Variants in PTPN20 observed in about 807,000 individuals in gnomAD.
The protein encoded by PTPN20 is protein tyrosine phosphatase non-receptor type 20, also known as tyrosine-protein phosphatase non-receptor type 20.
In PTPN20, 9 loss-of-function variants were observed where a neutral mutation model predicts 35.0. That is an observed-to-expected ratio of 0.26 (90% CI 0.15 to 0.45). The LOEUF (loss-of-function observed/expected upper bound fraction) is 0.45, where lower values mean the gene tolerates loss of function less well. PTPN20 is among the 20% of genes least tolerant of loss of function. PTPN20 has a pLI of 1.00. For synonymous variants in PTPN20, 32 were observed against 100.2 expected (o/e 0.32, Z 4.06); for missense variants, 111 against 312.5 (o/e 0.36, Z 4.86).
At chr10:46,953,343 C>CTTTCTT (rs1555148609) in intron 5 of PTPN20, among the ~76,000 whole-genome samples, 1 of 92,460 alleles carries the variant, frequency 1.1e-5, no homozygotes, top group East Asian at 2.8e-4. Flanking sequence ...TCTTTTCTTT[C>CTTTCTT]TTTCTTTCTT....
chr10:46,911,776 G>A, intron 1 of PTPN20: 2 of 98,702 alleles, frequency 2.0e-5, no homozygotes, highest in South Asian at 1.4e-4. Flanking sequence ...ACCGGGACAG[G>A]AACCCTGTGG....
chr10:46,982,458 C>T (rs2055705019), intron 7 of PTPN20, among the ~76,000 whole-genome samples: 5 of 152,038 alleles, frequency 3.3e-5, no homozygotes, highest in African/African-American at 1.2e-4. Context: ...TTTACATTCC[C>T]CTTGTATGCG....
intron 9 of PTPN20, among the ~76,000 whole-genome samples, chr10:46,995,455 T>C (rs1039582125): frequency 6.7e-6 from 1 of 148,720 alleles, no homozygotes; most frequent in Non-Finnish European, 1.5e-5. Flanking sequence ...CTCATTCCAA[T>C]TAGGGAAAGT....
At chr10:46,972,537 C>G (rs2052526324) in intron 7 of PTPN20, among the ~76,000 whole-genome samples, 2 of 86,570 alleles carry the variant, frequency 2.3e-5, no homozygotes, top group East Asian at 5.8e-4. Context: ...ATGTTCATAT[C>G]AGATTTACTT....
At chr10:46,959,142 C>G (rs2049161060) in intron 5 of PTPN20, among the ~76,000 whole-genome samples, 1 of 133,888 alleles carries the variant, frequency 7.5e-6, no homozygotes, top group African/African-American at 2.8e-5. Flanking sequence ...AACTGTTTCT[C>G]TCTTCATTTC....
intron 9 of PTPN20, among the ~76,000 whole-genome samples, chr10:46,993,144 A>G (rs2137443666): frequency 1.3e-5 from 2 of 152,344 alleles, no homozygotes; most frequent in South Asian, 4.1e-4. Flanking sequence ...ACTCTCAGTC[A>G]CATGGCTCTT....
chr10:46,996,869 T>G (rs1179150745), intron 9 of PTPN20, among the ~76,000 whole-genome samples: 2 of 152,180 alleles, frequency 1.3e-5, no homozygotes, highest in African/African-American at 4.8e-5. Flanking sequence ...ACCCTTTGGA[T>G]TATTGTAGTG....
chr10:46,936,453 T>C (rs2041690094), intron 2 of PTPN20, among the ~76,000 whole-genome samples: 1 of 152,028 alleles, frequency 6.6e-6, no homozygotes, highest in East Asian at 1.9e-4. Context: ...ATGAGTAATT[T>C]TGAGTTTCAT....
chr10:46,976,874 A>AT (rs1311854765), intron 7 of PTPN20, among the ~76,000 whole-genome samples: 2 of 138,462 alleles, frequency 1.4e-5, no homozygotes, highest in Non-Finnish European at 3.1e-5. Flanking sequence ...TTTTATTCTT[A>AT]TTTTTTTCTT....
chr10:46,928,365 A>G (rs1331604428), intron 1 of PTPN20, among the ~76,000 whole-genome samples: 1 of 151,536 alleles, frequency 6.6e-6, no homozygotes, highest in African/African-American at 2.4e-5. Flanking sequence ...TAATTGAAGT[A>G]CATTATCTTT....
At chr10:46,919,563 CA>C (rs1477320506) in intron 1 of PTPN20, among the ~76,000 whole-genome samples, 5 of 99,638 alleles carry the variant, frequency 5.0e-5, no homozygotes, top group Non-Finnish European at 7.8e-5. Flanking sequence ...TATCATTTCA[CA>C]TATAGTATAA....
chr10:46,976,779 G>T (rs2053778043), intron 7 of PTPN20, among the ~76,000 whole-genome samples: 1 of 128,832 alleles, frequency 7.8e-6, no homozygotes, highest in Non-Finnish European at 1.6e-5. Flanking sequence ...TTGCCTCTTG[G>T]TTCTATCTTA....
intron 1 of PTPN20, chr10:46,911,816 C>T: frequency 8.1e-6 from 1 of 123,144 alleles, no homozygotes; most frequent in Non-Finnish European, 1.3e-5. Context: ...CACCAACTCC[C>T]TGAGGAGCAG....
intron 5 of PTPN20, among the ~76,000 whole-genome samples, chr10:46,957,524 T>C (rs1234970003): frequency 2.6e-5 from 4 of 152,128 alleles, no homozygotes; most frequent in East Asian, 1.9e-4. Flanking sequence ...TCACCTGAGG[T>C]TGGGGAGTTC....
chr10:46,988,283 G>T, intron 9 of PTPN20, among the ~76,000 whole-genome samples: 1 of 94,330 alleles, frequency 1.1e-5, no homozygotes, highest in Non-Finnish European at 1.9e-5. Flanking sequence ...TATTTGTGGG[G>T]TACAGAGAGT....
At chr10:46,972,074 G>GA (rs1471603644) in intron 7 of PTPN20, among the ~76,000 whole-genome samples, 1 of 99,288 alleles carries the variant, frequency 1.0e-5, no homozygotes, top group East Asian at 2.9e-4. Flanking sequence ...AATTGTAAAA[G>GA]AAAAAAAATA....
At chr10:46,933,440 C>T (rs1215497505) in intron 2 of PTPN20, among the ~76,000 whole-genome samples, 2 of 150,794 alleles carry the variant, frequency 1.3e-5, no homozygotes, top group Non-Finnish European at 2.9e-5. Flanking sequence ...TTACTTGATA[C>T]CATCTGACCA....
chr10:46,968,481 G>A (rs1555162257), intron 7 of PTPN20, among the ~76,000 whole-genome samples: 1 of 151,778 alleles, frequency 6.6e-6, no homozygotes, highest in African/African-American at 2.4e-5. Context: ...CTCTCCAACA[G>A]GAGGCTGCCT....
At chr10:46,994,189 T>C (rs1444228348) in intron 9 of PTPN20, among the ~76,000 whole-genome samples, 2 of 151,944 alleles carry the variant, frequency 1.3e-5, no homozygotes, top group Non-Finnish European at 1.5e-5. Context: ...GGAGCTCTTT[T>C]ATATGTTAAT....
Sources: allele counts gnomAD v4.1 joint callset (sites outside exome capture counted in the v4.1 genomes callset), GRCh38; gene constraint gnomAD v4.1.1; transcripts MANE v1.5; gene names NCBI Gene and HGNC (gene_info 2026-07-23, HGNC 2026-07-21).